Variants in ASXL2 observed in about 807,000 individuals in gnomAD.
The protein encoded by ASXL2 is ASXL transcriptional regulator 2, also known as putative Polycomb group protein ASXL2.
ASXL2 carries 23 observed loss-of-function variants against 122.0 expected under a neutral mutation model. That is an observed-to-expected ratio of 0.19 (90% confidence interval 0.14 to 0.27). The LOEUF is 0.27. Among genes scored for constraint, ASXL2 ranks in the 10% least tolerant of loss-of-function variants. The probability of loss-of-function intolerance (pLI) is 1.00; values close to 1 mark genes in which losing one functional copy is unlikely to be tolerated. For missense variants in ASXL2, 1,518 were observed against 1,713.8 expected (o/e 0.89, Z 2.02); for synonymous variants, 650 against 637.0 (o/e 1.02, Z -0.31).
intron 2 of ASXL2, among the ~76,000 whole-genome samples, chr2:25,842,707 G>GATAT (rs2089599566): frequency 6.8e-6 from 1 of 147,916 alleles, no homozygotes; most frequent in Non-Finnish European, 1.5e-5. Flanking sequence ...TATATATATA[G>GATAT]ATAGATAGAT....
intron 8 of ASXL2, among the ~76,000 whole-genome samples, chr2:25,762,702 A>C (rs556148431): frequency 7.6e-6 from 1 of 131,464 alleles, no homozygotes; most frequent in East Asian, 2.0e-4. Context: ...ATAAGAAGGA[A>C]ACAAGAAACA....
Position 25,735,487 on chromosome 2 carries a change from T to C in ASXL2, c.*6542A>G, listed in dbSNP as rs985783653. 6.6e-6 allele frequency: 1 copy of C among 152,192 alleles called. No homozygotes were observed. The highest frequency in any genetic ancestry group is 2.4e-5 in the African/African-American group (1 of 41,448). 9.4% of individuals were successfully genotyped at this position (152,192 alleles called of 1,614,324 possible). ...AAGGACACAAAAGTAATTTTATCCA[T>C]TATGGAGAAAAACTGGGATGCAACA... On this transcript the variant is annotated 3_prime_UTR_variant, in exon 13 of 13. Coordinates refer to ENST00000435504, the MANE Select transcript of ASXL2 (RefSeq NM_018263.6).
intron 3 of ASXL2, chr2:25,810,273 T>C (rs1478687563): frequency 4.8e-6 from 3 of 631,332 alleles, no homozygotes. Context: ...GACCACCAAC[T>C]TACGAGCCAC....
At chr2:25,864,188 G>T (rs2089872618) in intron 1 of ASXL2, among the ~76,000 whole-genome samples, 1 of 152,190 alleles carries the variant, frequency 6.6e-6, no homozygotes, top group East Asian at 1.9e-4. Context: ...CAGTAAAAGA[G>T]AACTGAACAG....
chr2:25,804,895 C>T (rs1302462928), intron 4 of ASXL2, among the ~76,000 whole-genome samples: 2 of 151,986 alleles, frequency 1.3e-5, no homozygotes, highest in Admixed American at 6.6e-5. Context: ...ACTAAAAATA[C>T]AAAAATTAGC....
At chr2:25,787,237 T>C (rs148744955) in intron 5 of ASXL2, among the ~76,000 whole-genome samples, 258 of 152,326 alleles carry the variant, frequency 1.7e-3, no homozygotes, top group Non-Finnish European at 2.9e-3. Flanking sequence ...ATGTTTGCAG[T>C]TGCAGAGCAA....
At chr2:25,875,435 C>G (rs1244567857) in intron 1 of ASXL2, among the ~76,000 whole-genome samples, 1 of 151,912 alleles carries the variant, frequency 6.6e-6, no homozygotes. Flanking sequence ...ACCTGTGAAG[C>G]CACTGCACTC....
chr2:25,759,719 C>T (rs1310799141), intron 8 of ASXL2, 74 bp from the exon 9 acceptor site: 4 of 1,453,374 alleles, frequency 2.8e-6, no homozygotes, highest in Non-Finnish European at 2.8e-6. Flanking sequence ...GCTTTCTGTG[C>T]AGTATAAAAA....
At chr2:25,873,090 T>C (rs1277222529) in intron 1 of ASXL2, among the ~76,000 whole-genome samples, 1 of 151,982 alleles carries the variant, frequency 6.6e-6, no homozygotes, top group East Asian at 1.9e-4. Flanking sequence ...CTCATCACCC[T>C]CCCACCCTTT....
In ASXL2 at chr2:25,744,036, A is replaced by C; in HGVS notation, c.2301T>G (p.Ser767Arg). 6.2e-7 allele frequency: 1 copy of C among 1,613,970 alleles called. No individual in the cohort carries two copies. The highest frequency in any genetic ancestry group is 8.5e-7 in the Non-Finnish European group (1 of 1,179,864). ...TTTGCTGTAGTTGTGCTCCAGAGACACTATGAGGCTGTGCCTGGCTTGGGG... is the reference window on the plus strand; with the variant it reads ...TTTGCTGTAGTTGTGCTCCAGAGACCCTATGAGGCTGTGCCTGGCTTGGGG... ...KTTPSQAQPH[S>R]VSGAQLQQTP... Residue 767 changes from serine (S) to arginine (R), a missense_variant, in exon 13 of 13, where the codon AGT (serine) becomes AGG (arginine). Physicochemically the swap from Ser to Arg is moderately radical, Grantham distance 110. Around this residue, in one of 8 missense-constraint regions of ASXL2, gnomAD observed 831 missense variants for 833.1 expected, o/e 1.00. Transcript: ENST00000435504. The surrounding 1 kb of genome is among the most constrained non-coding windows in gnomAD (Gnocchi z 4.7).
intron 1 of ASXL2, among the ~76,000 whole-genome samples, chr2:25,859,548 G>C (rs897218292): frequency 4.6e-5 from 7 of 152,124 alleles, no homozygotes; most frequent in Admixed American, 4.6e-4. Flanking sequence ...TCAAAATATA[G>C]GGATGAGTTC....
intron 8 of ASXL2, among the ~76,000 whole-genome samples, chr2:25,761,891 T>C (rs941829340): frequency 2.6e-5 from 4 of 152,126 alleles, no homozygotes; most frequent in African/African-American, 9.7e-5. Context: ...TAAATACAGT[T>C]CTTATTGTAC....
chr2:25,751,802 G>A (rs1051752616), intron 11 of ASXL2, among the ~76,000 whole-genome samples: 1 of 149,484 alleles, frequency 6.7e-6, no homozygotes, highest in Non-Finnish European at 1.5e-5. Context: ...TTTTTTTTGA[G>A]ACAAGGTCTC....
At chr2:25,815,170 T>A (rs898740281) in intron 3 of ASXL2, among the ~76,000 whole-genome samples, 4 of 152,170 alleles carry the variant, frequency 2.6e-5, no homozygotes, top group African/African-American at 9.7e-5. Context: ...ATAAATATGA[T>A]CATACTACCT....
intron 5 of ASXL2, among the ~76,000 whole-genome samples, chr2:25,773,799 G>A (rs2149157480): frequency 6.6e-6 from 1 of 152,054 alleles, no homozygotes; most frequent in South Asian, 2.1e-4. Context: ...AGGGAGCCGA[G>A]GCAGGTGGAA....
intron 3 of ASXL2, among the ~76,000 whole-genome samples, chr2:25,829,249 GAGAC>G (rs1250756323): frequency 7.9e-5 from 12 of 151,936 alleles, no homozygotes; most frequent in Admixed American, 2.6e-4. Flanking sequence ...GACAAACAGA[GAGAC>G]AGAGACAGAA....
At chr2:25,791,553 T>G (rs2088834877) in intron 5 of ASXL2, among the ~76,000 whole-genome samples, 1 of 151,582 alleles carries the variant, frequency 6.6e-6, no homozygotes, top group African/African-American at 2.4e-5. Flanking sequence ...TCACTAAAGG[T>G]TAACCATATG....
chr2:25,842,495 T>C (rs1405927547), intron 2 of ASXL2, among the ~76,000 whole-genome samples: 1 of 152,104 alleles, frequency 6.6e-6, no homozygotes, highest in Non-Finnish European at 1.5e-5. Flanking sequence ...CTATTCCTGC[T>C]TGCTCCCTGG....
chr2:25,860,964 A>G (rs2089838538), intron 1 of ASXL2, among the ~76,000 whole-genome samples: 1 of 152,006 alleles, frequency 6.6e-6, no homozygotes, highest in Non-Finnish European at 1.5e-5. Context: ...GTGAGCTGAG[A>G]TCACACCACT....
Sources: gnomAD v4.1 joint callset for allele counts (sites outside exome capture counted in the v4.1 genomes callset) on GRCh38, gnomAD v4.1.1 for gene constraint, gnomAD v4.1.1 regional missense constraint, Gnocchi (gnomAD v3.1) non-coding constraint, MANE v1.5 for transcripts, NCBI Gene and HGNC (gene_info 2026-07-23, HGNC 2026-07-21) for gene names.